PLIN2: variants seen among roughly 807,000 people sequenced by gnomAD.
PLIN2 encodes the protein perilipin 2.
PLIN2 carries 33 observed loss-of-function variants against 30.6 expected under a neutral mutation model. The observed-to-expected ratio is 1.08, with a 90% CI of 0.82 to 1.44. The LOEUF (loss-of-function observed/expected upper bound fraction) is 1.44, where lower values mean the gene tolerates loss of function less well. PLIN2 is among the 40% of genes most tolerant of loss of function. PLIN2 has a pLI of 0.00. For missense variants in PLIN2, 610 were observed against 531.8 expected, an observed-to-expected ratio of 1.15 and a Z score of -1.45; for synonymous variants, 205 against 201.1, an observed-to-expected ratio of 1.02 and a Z score of -0.16.
At position 19,116,489 on chromosome 9, in the gene PLIN2, C is replaced by T. The variant is rs145392085; in HGVS notation, c.1073G>A (p.Arg358His). Residue 358 changes from arginine (R) to histidine (H), a missense_variant, in exon 8 of 8, where the codon CGC (arginine) becomes CAC (histidine). By Grantham distance (29) the Arg-to-His change is conservative. Transcript: ENST00000276914. ...CACTTCTTTAAAGGAGGCAGCATTG[C>T]GGAACACTGAGTAGATGTCGCCTGC... The part of the protein sequence containing the change: ...VMAGDIYSVF[R>H]NAASFKEVSD... 1.1e-5 allele frequency: 17 copies of T among 1,614,144 alleles called. No homozygotes were observed. Among genetic ancestry groups the T allele is most frequent in the Admixed American group, 3.3e-5 (2 of 60,004 alleles).
At position 19,118,367 on chromosome 9, in the gene PLIN2, T is replaced by G; in HGVS notation, c.866A>C (p.Lys289Thr). The G allele has an allele frequency of 6.2e-7, 1 of 1,613,744 alleles. No homozygotes were observed. Among genetic ancestry groups the G allele is most frequent in the South Asian group, 1.1e-5 (1 of 91,040 alleles). The change falls in exon 7 of 8, where the codon AAA (lysine) becomes ACA (threonine). Residue 289 changes from lysine to threonine, a missense_variant. Transcript: ENST00000276914. ...AGTATCATCATATCCAATGCTCCTT[T>G]TCCACTCTACCCATGAGAGGTAGAG... ...DKLYLSWVEW[K>T]RSIGYDDTDE... is the part of the protein sequence containing the mutation.
rs1008239950 is a variant in PLIN2 at position 19,127,197 on chromosome 9, G to A, written c.-23+222C>T. Among the ~76,000 whole-genome samples the A allele has an allele frequency of 2.6e-5, 4 of 152,214 alleles. No homozygotes were observed. Among genetic ancestry groups the A allele is most frequent in the African/African-American group, 9.6e-5 (4 of 41,460 alleles). On this transcript the variant is annotated intron_variant, in intron 1 of 7. Coordinates refer to ENST00000276914, the MANE Select transcript of PLIN2 (RefSeq NM_001122.4). The surrounding 1 kb of genome is among the most constrained non-coding windows in gnomAD (Gnocchi z 4.3). ...GAAGCCTCAACGCACAAAGGCAAGGGTCGAAAGCGCGGGTTCAGCAGACCG... is the reference window on the plus strand; with the variant it reads ...GAAGCCTCAACGCACAAAGGCAAGGATCGAAAGCGCGGGTTCAGCAGACCG...
downstream of PLIN2, among the ~76,000 whole-genome samples, chr9:19,114,512 C>G (rs542604824): frequency 6.6e-6 from 1 of 152,118 alleles, no homozygotes; most frequent in Admixed American, 6.6e-5. Context: ...GCAGGGGATT[C>G]TCCTTGCCCA....
At chr9:19,112,317 T>C (rs1027524391), downstream of PLIN2, among the ~76,000 whole-genome samples, 2 of 152,316 alleles carry the variant, frequency 1.3e-5, no homozygotes, top group Middle Eastern at 3.4e-3. Context: ...ATGTTAGCCT[T>C]AGTCAGTATT....
downstream of PLIN2, among the ~76,000 whole-genome samples, chr9:19,113,247 T>C (rs1404302426): frequency 1.3e-5 from 2 of 151,674 alleles, no homozygotes; most frequent in Non-Finnish European, 2.9e-5. Flanking sequence ...GGCAGGAGAA[T>C]AGCTTGAACC....
downstream of PLIN2, among the ~76,000 whole-genome samples, chr9:19,114,224 CT>C (rs1490911144): frequency 6.6e-6 from 1 of 151,478 alleles, no homozygotes; most frequent in African/African-American, 2.4e-5. Flanking sequence ...CGATAAAAAA[CT>C]TTAATAAACT....
intron 3 of PLIN2, among the ~76,000 whole-genome samples, chr9:19,125,315 G>C (rs1588648121): frequency 6.6e-6 from 1 of 152,306 alleles, no homozygotes; most frequent in Non-Finnish European, 1.5e-5. Flanking sequence ...CACTTTGGGA[G>C]GCCGAGGCGG....
chr9:19,118,561 C>T, intron 6 of PLIN2, 106 bp from the exon 7 acceptor site: 2 of 995,684 alleles, frequency 2.0e-6, no homozygotes, highest in South Asian at 1.7e-5. Flanking sequence ...TAAGAATTTC[C>T]TGGAGTTGAA....
chr9:19,122,550 C>CCACAAGTCCCTA (rs1213245267), intron 4 of PLIN2, among the ~76,000 whole-genome samples: 21 of 44,440 alleles, frequency 4.7e-4, no homozygotes, highest in African/African-American at 5.4e-4. Context: ...GCAGGCTATA[C>CCACAAGTCCCTA]ACCATATAGC....
intron 4 of PLIN2, 52 bp downstream of exon 4, chr9:19,123,513 A>C: frequency 6.2e-7 from 1 of 1,613,614 alleles, no homozygotes; most frequent in East Asian, 2.2e-5. Context: ...TAACAGATAG[A>C]AGATGAAAAC....
chr9:19,116,724 T>C lies in PLIN2; in HGVS notation c.913-75A>G, dbSNP rs1818234514. The C allele has an allele frequency of 5.6e-6, 7 of 1,253,306 alleles. No individual in the cohort carries two copies. In the Admixed American group the frequency reaches 1.1e-4, roughly 20 times the overall value. The allele number at this position is 1,253,306 out of a possible 1,614,324, so 77.6% of individuals were successfully genotyped here. A position where few individuals can be genotyped will look rare whatever the true frequency, so the allele number is the denominator to read the frequency against. On this transcript the variant is annotated intron_variant, in intron 7 of 7. Coordinates refer to ENST00000276914, the MANE Select transcript of PLIN2 (RefSeq NM_001122.4). ...AATTAGTTCGATGACAGTAGGCTGG[T>C]TATGTGTCCACCACATATGTGGATT...
chr9:19,116,614 G>A lies in PLIN2; in HGVS notation c.948C>T (p.Asn316=). 2 of 1,613,688 alleles carry A rather than the reference G, an allele frequency of 1.2e-6. No homozygotes were observed. The highest frequency in any genetic ancestry group is 1.1e-5 in the South Asian group (1 of 91,078). ...ACGTGGTCTGGAGCTGCTGAGTCAG[G>A]TTGCGGGCAATTGCAAGAGTACGTG... ...IESRTLAIAR[N]LTQQLQTTCH... The change falls in exon 8 of 8, where the codon AAC becomes AAT. Residue 316 remains asparagine (N), a synonymous_variant. Coordinates refer to ENST00000276914, the MANE Select transcript of PLIN2 (RefSeq NM_001122.4).
At chr9:19,119,523 G>C in intron 6 of PLIN2, 127 bp downstream of exon 6, 3 of 601,394 alleles carry the variant, frequency 5.0e-6, no homozygotes, top group Non-Finnish European at 8.8e-6. Context: ...CATATTCTTT[G>C]TCCAGTTTTC....
chr9:19,126,916 C>T (rs1588649529), intron 1 of PLIN2, among the ~76,000 whole-genome samples: 2 of 152,192 alleles, frequency 1.3e-5, no homozygotes, highest in African/African-American at 4.8e-5. Context: ...GTGGCGGGCG[C>T]CTGTTATCCC....
intron 6 of PLIN2, among the ~76,000 whole-genome samples, chr9:19,119,285 A>C (rs1273538982): frequency 6.6e-6 from 1 of 152,216 alleles, no homozygotes; most frequent in Non-Finnish European, 1.5e-5. Flanking sequence ...TAAAAAGTAA[A>C]ACAGCTCCAA....
intron 5 of PLIN2, among the ~76,000 whole-genome samples, chr9:19,120,234 T>G (rs947017288): frequency 6.6e-6 from 1 of 151,914 alleles, no homozygotes; most frequent in African/African-American, 2.4e-5. Context: ...AATTTTTGTG[T>G]TTTTTAGGGT....
chr9:19,112,154 C>T (rs1052407931), downstream of PLIN2, among the ~76,000 whole-genome samples: 5 of 152,158 alleles, frequency 3.3e-5, no homozygotes, highest in Non-Finnish European at 7.3e-5. Flanking sequence ...ATGGCCAATG[C>T]ATCATATTCC....
Position 19,126,237 on chromosome 9 carries a change from TGA to T in PLIN2, c.101_102del (p.Leu34GlnfsTer14). 1 of 1,613,352 alleles carries T rather than the reference TGA, an allele frequency of 6.2e-7. No individual in the cohort carries two copies. Among genetic ancestry groups the T allele is most frequent in the Non-Finnish European group, 8.5e-7 (1 of 1,179,306 alleles). On this transcript the variant is annotated frameshift_variant, in exon 3 of 8. Coordinates refer to ENST00000276914, the MANE Select transcript of PLIN2 (RefSeq NM_001122.4). LOFTEE classifies it high-confidence loss of function. ...STYDLMSSAY[L>X]STKDQYPYLK... ...AGGTAGGGATACTGGTCCTTTGTAC[TGA>T]GATAGGCTGAGGACATGAGGTCATA...
intron 3 of PLIN2, chr9:19,125,798 C>G (rs1818386469): frequency 4.5e-6 from 1 of 221,378 alleles, no homozygotes; most frequent in Non-Finnish European, 9.0e-6. Context: ...TGGTGGGAGC[C>G]TGTAGTCCCA....
Sources: allele counts gnomAD v4.1 joint callset (sites outside exome capture counted in the v4.1 genomes callset), GRCh38; gene constraint gnomAD v4.1.1; non-coding constraint Gnocchi (gnomAD v3.1); transcripts MANE v1.5; gene names NCBI Gene and HGNC (gene_info 2026-07-23, HGNC 2026-07-21).